CFI: variants seen among roughly 807,000 people sequenced by gnomAD.
CFI encodes C3B/C4B inactivator.
In CFI, 66 loss-of-function variants were observed where a neutral mutation model predicts 78.8. The ratio of observed to expected loss-of-function variants is 0.84; its 90% CI spans 0.69 to 1.03. CFI has a LOEUF of 1.03. CFI is among the 50% of genes least tolerant of loss of function. The pLI, the probability that CFI is intolerant of heterozygous loss-of-function variation, is 0.00. For missense variants in CFI, 706 were observed against 704.5 expected (o/e 1.00, Z -0.02); for synonymous variants, 250 against 232.6 (o/e 1.07, Z -0.68).
chr4:109,793,166 A>G (rs1336826870), intron 1 of CFI, among the ~76,000 whole-genome samples: 2 of 152,140 alleles, frequency 1.3e-5, no homozygotes, highest in Non-Finnish European at 2.9e-5. Context: ...GGAGATTACA[A>G]TTAATAGTGA....
intron 1 of CFI, among the ~76,000 whole-genome samples, chr4:109,793,020 TA>T (rs1731575172): frequency 1.3e-5 from 2 of 152,206 alleles, no homozygotes; most frequent in African/African-American, 4.8e-5. Context: ...TTGTATGTCT[TA>T]TACCTTTTTT....
intron 11 of CFI, among the ~76,000 whole-genome samples, chr4:109,744,903 A>T (rs1012287814): frequency 4.6e-5 from 7 of 152,182 alleles, no homozygotes; most frequent in African/African-American, 9.7e-5. Flanking sequence ...TAAAAGATTT[A>T]AAAAAACAGA....
intron 1 of CFI, among the ~76,000 whole-genome samples, chr4:109,788,951 A>G (rs6533461): frequency 0.93 from 141,771 of 151,852 alleles, 66,232 homozygotes; most frequent in Admixed American, 0.97. Flanking sequence ...ACAGGTGTTA[A>G]CATTACTAGG....
chr4:109,783,692 A>G (rs1225338431), intron 1 of CFI, among the ~76,000 whole-genome samples: 2 of 151,578 alleles, frequency 1.3e-5, no homozygotes, highest in African/African-American at 2.4e-5. Flanking sequence ...TCAGAGGAAA[A>G]TAAGTTATTA....
chr4:109,768,542 G>A (rs1295295933), intron 1 of CFI, among the ~76,000 whole-genome samples: 1 of 152,098 alleles, frequency 6.6e-6, no homozygotes, highest in African/African-American at 2.4e-5. Flanking sequence ...AAATTAATGA[G>A]AGCTATTATT....
rs569333175 is a variant in CFI, at chr4:109,756,969, G to T, written c.904+794C>A. Reference sequence around the variant, plus strand: ...AGAAAGAAAGAAAGAAAGAAAGAAAGAAAGAAAGAAATTCTGAGGAGGATC... The same window carrying T: ...AGAAAGAAAGAAAGAAAGAAAGAAATAAAGAAAGAAATTCTGAGGAGGATC... On this transcript the variant is annotated intron_variant, in intron 7 of 12. Transcript: ENST00000394634. Among the ~76,000 whole-genome samples the T allele has an allele frequency of 6.0e-3, 803 of 134,164 alleles. 16 individuals are homozygous for T. Among genetic ancestry groups the T allele is most frequent in the Middle Eastern group, 0.023 (5 of 220 alleles). The allele number at this position is 134,164 out of a possible 152,430, so 88.0% of individuals were successfully genotyped here. A position where few individuals can be genotyped will look rare whatever the true frequency, so the allele number is the denominator to read the frequency against.
rs555799547 is a variant in CFI, at chr4:109,770,546, A to G, written c.58-3722T>C. Among the ~76,000 whole-genome samples the G allele has an allele frequency of 3.1e-5, 4 of 127,178 alleles. No individual in the cohort carries two copies. The East Asian group carries it at 9.5e-4, about 30-fold the overall frequency. The allele number at this position is 127,178 out of a possible 152,430, so 83.4% of individuals were successfully genotyped here. ...ACTCCAACCTGGATGACAGAGCGAG[A>G]CTCCATCTCTAAAAAAAAAAAAAGA... On this transcript the variant is annotated intron_variant, in intron 1 of 12. Transcript: ENST00000394634.
At chr4:109,763,395 A>T (rs770610954) in intron 3 of CFI, among the ~76,000 whole-genome samples, 1 of 152,096 alleles carries the variant, frequency 6.6e-6, no homozygotes, top group Non-Finnish European at 1.5e-5. Context: ...ATTTTTAAAA[A>T]TCTTTAATTT....
chr4:109,789,923 G>A lies in CFI; in HGVS notation c.57+11992C>T, dbSNP rs573895093. On this transcript the variant is annotated intron_variant, in intron 1 of 12. Transcript: ENST00000394634. The stretch of plus-strand genomic sequence containing the variant: ...TCTTTATATGTTTGGTAGAATTCAC[G>A]AGTGAAGCCATCTGGTTACAGATAT... Among the ~76,000 whole-genome samples the A allele has an allele frequency of 2.0e-5, 3 of 152,124 alleles. No homozygotes were observed. In the South Asian group the frequency reaches 6.2e-4, roughly 32 times the overall value.
intron 2 of CFI, 41 bp downstream of exon 2, chr4:109,766,513 T>A (rs2126224081): frequency 6.2e-7 from 1 of 1,605,172 alleles, no homozygotes; most frequent in East Asian, 2.2e-5. Context: ...ACAAATACCC[T>A]TTTATATCAT....
chr4:109,788,547 TCTTTATATATTAAAGAAA>T (rs1434540526), intron 1 of CFI, among the ~76,000 whole-genome samples: 1 of 152,090 alleles, frequency 6.6e-6, no homozygotes, highest in Non-Finnish European at 1.5e-5. Context: ...TTGTAGTAAC[TCTTTATATATTAAAGAAA>T]CCAGCACTTT....
At position 109,751,433 on chromosome 4, in the gene CFI, T is replaced by A. The variant is rs986203593; in HGVS notation, c.940+1035A>T. Among the ~76,000 whole-genome samples, 3 of 129,596 alleles carry A rather than the reference T, an allele frequency of 2.3e-5. No homozygotes were observed. The Admixed American group carries it at 2.9e-4, about 13-fold the overall frequency. The allele number at this position is 129,596 out of a possible 152,430, so 85.0% of individuals were successfully genotyped here. The stretch of plus-strand genomic sequence containing the variant: ...GACTAACATCTATAGCTTCGAGAGC[T>A]AAATCTTTTTTTTTTTTTTTTTTTT... On this transcript the variant is annotated intron_variant, in intron 8 of 12. Coordinates refer to ENST00000394634, the MANE Select transcript of CFI (RefSeq NM_000204.5).
At chr4:109,751,481 GC>G (rs1725134005) in intron 8 of CFI, among the ~76,000 whole-genome samples, 1 of 107,150 alleles carries the variant, frequency 9.3e-6, no homozygotes, top group Non-Finnish European at 1.7e-5. Flanking sequence ...TCACTCTGTT[GC>G]CCAGGCTGGA....
intron 7 of CFI, among the ~76,000 whole-genome samples, chr4:109,756,568 G>T (rs890214684): frequency 6.6e-6 from 1 of 151,918 alleles, no homozygotes; most frequent in African/African-American, 2.4e-5. Context: ...AGTCCCTCAG[G>T]AATCCTAAGA....
chr4:109,753,449 A>C (rs1325053751), intron 7 of CFI, among the ~76,000 whole-genome samples: 3 of 68,264 alleles, frequency 4.4e-5, no homozygotes, highest in African/African-American at 2.1e-4. Context: ...TATATAATAA[A>C]TATTTATATA....
In CFI at chr4:109,766,691, G is replaced by A. The variant is rs773187287; in HGVS notation, c.191C>T (p.Pro64Leu). The A allele has an allele frequency of 8.0e-5, 129 of 1,613,996 alleles. No individual in the cohort carries two copies. In the Admixed American group the frequency reaches 1.1e-3, roughly 14 times the overall value. The change falls in exon 2 of 13, where the codon CCG becomes CTG. Residue 64 changes from proline (P) to leucine (L), a missense_variant. By Grantham distance (98) the Pro-to-Leu change is moderately conservative. Coordinates refer to ENST00000394634, the MANE Select transcript of CFI (RefSeq NM_000204.5). Reference protein sequence around the residue: ...CIEGTCVCKLPYQCPKNGTAV... With the variant: ...CIEGTCVCKLLYQCPKNGTAV... ...AGTGCCATTCTTTGGGCACTGATACGGTAGTTTACAAACACAGGTGCCCTC... is the reference window on the plus strand; with the variant it reads ...AGTGCCATTCTTTGGGCACTGATACAGTAGTTTACAAACACAGGTGCCCTC...
chr4:109,764,414 T>C, intron 3 of CFI, 123 bp downstream of exon 3: 1 of 1,074,860 alleles, frequency 9.3e-7, no homozygotes, highest in African/African-American at 1.6e-5. Flanking sequence ...AATGCTATGA[T>C]GCACATAGTT....
At chr4:109,784,692 T>G (rs1169161655) in intron 1 of CFI, among the ~76,000 whole-genome samples, 1 of 152,130 alleles carries the variant, frequency 6.6e-6, no homozygotes, top group Admixed American at 6.6e-5. Flanking sequence ...AAGAAGTCAG[T>G]TCTTTCTCTC....
intron 6 of CFI, among the ~76,000 whole-genome samples, chr4:109,759,949 A>ACAAG (rs1267064921): frequency 6.6e-6 from 1 of 151,068 alleles, no homozygotes; most frequent in Non-Finnish European, 1.5e-5. Flanking sequence ...AAACAAACAA[A>ACAAG]CTGGAAGAGA....
Sources: allele counts gnomAD v4.1 joint callset (sites outside exome capture counted in the v4.1 genomes callset), GRCh38; gene constraint gnomAD v4.1.1; transcripts MANE v1.5; gene names NCBI Gene and HGNC (gene_info 2026-07-23, HGNC 2026-07-21).